The following PLGRKT variants were observed in gnomAD, a reference collection of about 807,000 sequenced individuals.
PLGRKT encodes the protein plasminogen receptor (KT).
In PLGRKT, 22 loss-of-function variants were observed where a neutral mutation model predicts 18.5. The observed-to-expected ratio is 1.19, with a 90% CI of 0.85 to 1.70. The LOEUF (loss-of-function observed/expected upper bound fraction) is 1.70, where lower values mean the gene tolerates loss of function less well. PLGRKT is among the 40% of genes most tolerant of loss of function. PLGRKT has a pLI of 0.00. For synonymous variants in PLGRKT, 72 were observed against 52.8 expected, an observed-to-expected ratio of 1.36 and a Z score of -1.58; for missense variants, 235 against 174.4, an observed-to-expected ratio of 1.35 and a Z score of -1.96.
intron 3 of PLGRKT, among the ~76,000 whole-genome samples, chr9:5,398,870 C>T (rs567634334): frequency 1.3e-5 from 2 of 151,766 alleles, no homozygotes; most frequent in African/African-American, 2.4e-5. Context: ...CTAAAAGAAA[C>T]TGAGAACCAG....
chr9:5,411,112 G>A (rs570379718), intron 3 of PLGRKT, among the ~76,000 whole-genome samples: 107 of 152,152 alleles, frequency 7.0e-4, no homozygotes, highest in African/African-American at 2.2e-3. Context: ...GGCCAGTTGC[G>A]GTGACTCACG....
At chr9:5,411,905 C>T (rs969160601) in intron 3 of PLGRKT, among the ~76,000 whole-genome samples, 1 of 152,088 alleles carries the variant, frequency 6.6e-6, no homozygotes, top group Non-Finnish European at 1.5e-5. Context: ...TAAGTTAATA[C>T]AATCCCAATG....
intron 3 of PLGRKT, among the ~76,000 whole-genome samples, chr9:5,372,975 G>A (rs1229083544): frequency 1.3e-5 from 2 of 152,266 alleles, no homozygotes; most frequent in South Asian, 2.1e-4. Context: ...TCAAACCCAG[G>A]CCTGCCTGCT....
Position 5,365,712 on chromosome 9 carries a change from T to G in PLGRKT, c.82-3824A>C, listed in dbSNP as rs186053934. Among the ~76,000 whole-genome samples the G allele has an allele frequency of 7.2e-5, 11 of 152,340 alleles. No individual in the cohort carries two copies. In the East Asian group the frequency reaches 2.1e-3, roughly 29 times the overall value. The stretch of plus-strand genomic sequence containing the variant: ...AATGGATCAATGTTAGTTTCTTATT[T>G]GTGGCAAATGTGCCATGGTAATGGT... On this transcript the variant is annotated intron_variant, in intron 3 of 5. Coordinates refer to ENST00000223864, the MANE Select transcript of PLGRKT (RefSeq NM_018465.4).
intron 3 of PLGRKT, among the ~76,000 whole-genome samples, chr9:5,401,460 T>C (rs1818152747): frequency 6.6e-6 from 1 of 151,908 alleles, no homozygotes. Context: ...GAATTTGTAA[T>C]TAAGACTGTT....
intron 3 of PLGRKT, among the ~76,000 whole-genome samples, chr9:5,370,195 C>G (rs563065925): frequency 5.4e-4 from 83 of 152,300 alleles, no homozygotes; most frequent in African/African-American, 1.8e-3. Context: ...TCAGCTCTTT[C>G]CTGTGTATTT....
intron 3 of PLGRKT, among the ~76,000 whole-genome samples, chr9:5,370,443 A>G (rs1171203594): frequency 1.3e-5 from 2 of 152,226 alleles, no homozygotes; most frequent in Non-Finnish European, 2.9e-5. Context: ...TGCAGTTTTA[A>G]TTTCATATTT....
In PLGRKT at chr9:5,399,908, T is replaced by C. The variant is rs956642591; in HGVS notation, c.81+31989A>G. 8.6e-5 allele frequency among the ~76,000 whole-genome samples: 13 copies of C among 151,770 alleles called. 2 individuals carry two copies. Among genetic ancestry groups the C allele is most frequent in the Middle Eastern group, 3.4e-3 (1 of 294 alleles). On this transcript the variant is annotated intron_variant, in intron 3 of 5. Transcript: ENST00000223864. ...CAGGAAGCTGAGGAAGGAGAATCAC[T>C]TGAACCTGAAAGCAGAGGTTGCAGT...
intron 3 of PLGRKT, among the ~76,000 whole-genome samples, chr9:5,378,550 T>C (rs1035924667): frequency 2.0e-5 from 3 of 152,206 alleles, no homozygotes; most frequent in Middle Eastern, 3.2e-3. Flanking sequence ...GTCAGGATAG[T>C]GGCTATCCTT....
chr9:5,423,831 T>G (rs1032328260), intron 3 of PLGRKT, among the ~76,000 whole-genome samples: 1 of 144,278 alleles, frequency 6.9e-6, no homozygotes, highest in East Asian at 1.9e-4. Context: ...GACTCCTGAA[T>G]AGCTGGAACT....
intron 3 of PLGRKT, 145 bp from the exon 4 acceptor site, chr9:5,362,033 G>A (rs1047803291): frequency 5.3e-6 from 4 of 755,996 alleles, no homozygotes; most frequent in African/African-American, 3.6e-5. Flanking sequence ...TTTGACTAAA[G>A]TTCCTTTGGA....
intron 3 of PLGRKT, among the ~76,000 whole-genome samples, chr9:5,363,415 G>A (rs1817312106): frequency 6.6e-6 from 1 of 151,680 alleles, no homozygotes; most frequent in Non-Finnish European, 1.5e-5. Flanking sequence ...GGGTCCCCTG[G>A]CCCAAGGTTT....
Position 5,418,634 on chromosome 9 carries a change from C to A in PLGRKT, c.81+13263G>T. The A allele has an allele frequency of 1.4e-6, 1 of 704,614 alleles. No homozygotes were observed. The highest frequency in any genetic ancestry group is 2.7e-6 in the Non-Finnish European group (1 of 376,842). 43.6% of individuals were successfully genotyped at this position (704,614 alleles called of 1,614,324 possible). On this transcript the variant is annotated intron_variant, in intron 3 of 5. Coordinates refer to ENST00000223864, the MANE Select transcript of PLGRKT (RefSeq NM_018465.4). The surrounding 1 kb of genome is among the most constrained non-coding windows in gnomAD (Gnocchi z 4.2). ...CTGGGCAGCAGGTGGCGGCTCATATCTCCGGGCAGCAGCGCGTGCTCCTTG... is the reference window on the plus strand; with the variant it reads ...CTGGGCAGCAGGTGGCGGCTCATATATCCGGGCAGCAGCGCGTGCTCCTTG...
chr9:5,396,187 C>G (rs1464471998), intron 3 of PLGRKT, among the ~76,000 whole-genome samples: 1 of 151,630 alleles, frequency 6.6e-6, no homozygotes, highest in Non-Finnish European at 1.5e-5. Context: ...AATCACCACA[C>G]CCAGCAAACC....
intron 3 of PLGRKT, among the ~76,000 whole-genome samples, chr9:5,409,879 T>C (rs1487423940): frequency 6.6e-6 from 1 of 152,226 alleles, no homozygotes; most frequent in African/African-American, 2.4e-5. Context: ...CCAATGTATC[T>C]TGGAATAATG....
At chr9:5,361,979 TC>T in intron 3 of PLGRKT, 91 bp from the exon 4 acceptor site, 1 of 1,244,318 alleles carries the variant, frequency 8.0e-7, no homozygotes, top group Non-Finnish European at 1.1e-6. Flanking sequence ...GATTCATTCT[TC>T]AATTGCTTTA....
At chr9:5,398,842 T>C (rs1031516862) in intron 3 of PLGRKT, among the ~76,000 whole-genome samples, 1 of 151,842 alleles carries the variant, frequency 6.6e-6, no homozygotes, top group African/African-American at 2.4e-5. Context: ...ATATGCCACT[T>C]TGATGTATTA....
intron 3 of PLGRKT, among the ~76,000 whole-genome samples, chr9:5,415,823 G>C (rs895205771): frequency 2.6e-5 from 4 of 151,932 alleles, no homozygotes. Flanking sequence ...TATCATAAAA[G>C]GCAAGGAAAG....
intron 3 of PLGRKT, among the ~76,000 whole-genome samples, chr9:5,367,453 G>A (rs1817418795): frequency 6.6e-6 from 1 of 152,108 alleles, no homozygotes; most frequent in African/African-American, 2.4e-5. Context: ...ACAACCATCT[G>A]ATCTTTAACA....
Sources: gnomAD v4.1 joint callset for allele counts (sites outside exome capture counted in the v4.1 genomes callset) on GRCh38, gnomAD v4.1.1 for gene constraint, Gnocchi (gnomAD v3.1) non-coding constraint, MANE v1.5 for transcripts, NCBI Gene and HGNC (gene_info 2026-07-23, HGNC 2026-07-21) for gene names.